NKAIN2: variants seen among roughly 807,000 people sequenced by gnomAD.
The protein encoded by NKAIN2 is sodium/potassium-transporting ATPase subunit beta-1-interacting protein 2.
A neutral mutation model predicts 32.6 loss-of-function variants in NKAIN2; 14 were observed. The ratio of observed to expected loss-of-function variants is 0.43; its 90% CI spans 0.28 to 0.67. NKAIN2 has a LOEUF of 0.67. Ranked by LOEUF, NKAIN2 falls within the 30% of genes least tolerant of loss-of-function variation. The pLI is 0.17. For synonymous variants in NKAIN2, 80 were observed against 87.2 expected (o/e 0.92, Z 0.46); for missense variants, 198 against 258.3 (o/e 0.77, Z 1.60).
intron 1 of NKAIN2, among the ~76,000 whole-genome samples, chr6:123,979,041 C>T (rs936406508): frequency 1.3e-5 from 2 of 152,108 alleles, no homozygotes; most frequent in Non-Finnish European, 2.9e-5. Flanking sequence ...ACAAATATAA[C>T]TATCATTTCC....
chr6:124,337,589 G>A (rs948006251), intron 2 of NKAIN2, among the ~76,000 whole-genome samples: 7 of 152,174 alleles, frequency 4.6e-5, no homozygotes, highest in African/African-American at 1.7e-4. Flanking sequence ...TGCAAACCGA[G>A]TGATCACTGC....
chr6:124,210,457 C>A (rs1346200669), intron 1 of NKAIN2, among the ~76,000 whole-genome samples: 1 of 151,478 alleles, frequency 6.6e-6, no homozygotes, highest in Non-Finnish European at 1.5e-5. Context: ...TTTTCTATTT[C>A]TGTGAAGAAT....
intron 4 of NKAIN2, among the ~76,000 whole-genome samples, chr6:124,790,576 A>G (rs1329902383): frequency 6.6e-6 from 1 of 152,098 alleles, no homozygotes; most frequent in Non-Finnish European, 1.5e-5. Context: ...CAGATATTAT[A>G]TTTGTTTCTT....
intron 3 of NKAIN2, among the ~76,000 whole-genome samples, chr6:124,389,787 G>T (rs1316542290): frequency 1.3e-5 from 2 of 150,968 alleles, no homozygotes; most frequent in Non-Finnish European, 3.0e-5. Flanking sequence ...GAAAATAAAA[G>T]ATAATTTATT....
At chr6:124,537,073 CA>C (rs1418695785) in intron 3 of NKAIN2, among the ~76,000 whole-genome samples, 1 of 152,140 alleles carries the variant, frequency 6.6e-6, no homozygotes, top group African/African-American at 2.4e-5. Flanking sequence ...AAAATGGGGG[CA>C]AAAAGCCAGT....
intron 1 of NKAIN2, among the ~76,000 whole-genome samples, chr6:124,093,123 T>G (rs920026329): frequency 3.3e-5 from 5 of 152,124 alleles, no homozygotes; most frequent in African/African-American, 1.2e-4. Context: ...TACTTAAAAC[T>G]ATGGAACCCC....
chr6:124,384,568 T>G (rs2875790), intron 3 of NKAIN2, among the ~76,000 whole-genome samples: 22,150 of 152,184 alleles, frequency 0.15, 1,956 homozygotes, highest in African/African-American at 0.25. Context: ...CTAATACTTA[T>G]GGCTTGTATT....
chr6:124,430,447 C>G (rs146141159), intron 3 of NKAIN2, among the ~76,000 whole-genome samples: 2 of 152,194 alleles, frequency 1.3e-5, no homozygotes, highest in Admixed American at 1.3e-4. Context: ...TCACTTGAGT[C>G]CTTCATGTAG....
chr6:124,186,965 GAT>G (rs1789775832), intron 1 of NKAIN2, among the ~76,000 whole-genome samples: 1 of 73,694 alleles, frequency 1.4e-5, no homozygotes, highest in Non-Finnish European at 3.3e-5. Flanking sequence ...AAGTACTGAT[GAT>G]TTTTTTTAAA....
intron 1 of NKAIN2, among the ~76,000 whole-genome samples, chr6:123,849,963 T>G (rs1476651809): frequency 6.7e-5 from 1 of 14,862 alleles, no homozygotes; most frequent in African/African-American, 7.6e-5. Context: ...TTTTTTTTTG[T>G]TTGTTTGTTT....
intron 1 of NKAIN2, among the ~76,000 whole-genome samples, chr6:123,953,352 G>A (rs1777413561): frequency 6.6e-6 from 1 of 152,112 alleles, no homozygotes. Flanking sequence ...CTGATTTTTG[G>A]GCCTCCAGGT....
chr6:124,346,140 A>G (rs542899924), intron 2 of NKAIN2, among the ~76,000 whole-genome samples: 7 of 152,088 alleles, frequency 4.6e-5, no homozygotes, highest in East Asian at 3.9e-4. Flanking sequence ...GTAGTTGAGC[A>G]GTTTTGAGTG....
chr6:124,133,025 C>G (rs1041804623), intron 1 of NKAIN2, among the ~76,000 whole-genome samples: 3 of 152,200 alleles, frequency 2.0e-5, no homozygotes, highest in African/African-American at 7.2e-5. Flanking sequence ...AATTGCAGTA[C>G]TGGGCGCAGG....
chr6:123,932,639 G>A (rs1451282958), intron 1 of NKAIN2, among the ~76,000 whole-genome samples: 4 of 151,918 alleles, frequency 2.6e-5, no homozygotes, highest in South Asian at 2.1e-4. Context: ...GGATGGTCCC[G>A]ATCTCCTGAC....
At chr6:124,483,402 C>T (rs1308523065) in intron 3 of NKAIN2, among the ~76,000 whole-genome samples, 2 of 151,976 alleles carry the variant, frequency 1.3e-5, no homozygotes, top group East Asian at 3.8e-4. Flanking sequence ...GATAATAGAG[C>T]AAATCACTTT....
At chr6:123,839,831 C>T (rs1045878409) in intron 1 of NKAIN2, among the ~76,000 whole-genome samples, 2 of 151,986 alleles carry the variant, frequency 1.3e-5, no homozygotes, top group Non-Finnish European at 2.9e-5. Flanking sequence ...CTCAAAATGT[C>T]GCTCTTCAAA....
At chr6:123,975,175 A>G (rs540154488) in intron 1 of NKAIN2, among the ~76,000 whole-genome samples, 3 of 152,330 alleles carry the variant, frequency 2.0e-5, no homozygotes, top group East Asian at 1.9e-4. Context: ...TTAAACAGGT[A>G]AAATAAAATA....
chr6:124,356,595 C>T (rs1044659262), intron 3 of NKAIN2, among the ~76,000 whole-genome samples: 18 of 152,076 alleles, frequency 1.2e-4, no homozygotes, highest in African/African-American at 4.3e-4. Flanking sequence ...GGCATCGTTC[C>T]CCACACTCTG....
At chr6:124,344,977 G>C (rs1157860940) in intron 2 of NKAIN2, among the ~76,000 whole-genome samples, 4 of 152,146 alleles carry the variant, frequency 2.6e-5, no homozygotes, top group Admixed American at 6.5e-5. Flanking sequence ...TTTTGTCATA[G>C]ATAGCCCTTA....
Sources: allele counts gnomAD v4.1 joint callset (sites outside exome capture counted in the v4.1 genomes callset), GRCh38; gene constraint gnomAD v4.1.1; transcripts MANE v1.5; gene names NCBI Gene and HGNC (gene_info 2026-07-23, HGNC 2026-07-21).